The following TRERF1 variants were observed in gnomAD, a reference collection of about 807,000 sequenced individuals.
TRERF1 encodes the protein transcriptional-regulating factor 1.
A neutral mutation model predicts 122.9 loss-of-function variants in TRERF1; 27 were observed. The ratio of observed to expected loss-of-function variants is 0.22; its 90% CI spans 0.16 to 0.30. The LOEUF is 0.30. Ranked by LOEUF, TRERF1 falls within the 10% of genes least tolerant of loss-of-function variation. TRERF1 has a pLI of 1.00. For missense variants in TRERF1, 1,248 were observed against 1,560.3 expected, an observed-to-expected ratio of 0.80 and a Z score of 3.37; for synonymous variants, 636 against 641.7, an observed-to-expected ratio of 0.99 and a Z score of 0.13.
chr6:42,386,549 C>A (rs1404166327), intron 2 of TRERF1, among the ~76,000 whole-genome samples: 2 of 152,166 alleles, frequency 1.3e-5, no homozygotes, highest in Admixed American at 6.5e-5. Flanking sequence ...CAAATTGTAG[C>A]ACTTGGCATG....
At chr6:42,352,454 A>T (rs996190244) in intron 3 of TRERF1, among the ~76,000 whole-genome samples, 9 of 152,284 alleles carry the variant, frequency 5.9e-5, no homozygotes, top group Admixed American at 3.3e-4. Flanking sequence ...GACCACAAAC[A>T]TATCTTATTT....
intron 3 of TRERF1, among the ~76,000 whole-genome samples, chr6:42,347,563 A>C (rs1167429970): frequency 6.6e-6 from 1 of 152,222 alleles, no homozygotes; most frequent in East Asian, 1.9e-4. Flanking sequence ...AAAACCATGT[A>C]TAAATGCTGG....
chr6:42,358,783 CT>C (rs397886998), intron 3 of TRERF1, among the ~76,000 whole-genome samples: 11,122 of 125,064 alleles, frequency 0.089, 700 homozygotes, highest in African/African-American at 0.21. Context: ...TGACCTAAAG[CT>C]TTTTTTTTTT....
chr6:42,268,157 G>A lies in TRERF1; in HGVS notation c.1434C>T (p.Pro478=). The A allele has an allele frequency of 2.1e-6, 3 of 1,448,996 alleles. No homozygotes were observed. Among genetic ancestry groups the A allele is most frequent in the Non-Finnish European group, 2.7e-6 (3 of 1,099,258 alleles). The allele number at this position is 1,448,996 out of a possible 1,614,324, so 89.8% of individuals were successfully genotyped here. A position where few individuals can be genotyped will look rare whatever the true frequency, so the allele number is the denominator to read the frequency against. Residue 478 remains proline (P), a synonymous_variant, in exon 5 of 18, where the codon CCC becomes CCT. Coordinates refer to ENST00000372922, the Ensembl canonical transcript of TRERF1. This position sits in a 1 kb window ranked among gnomAD's most constrained non-coding sequence, Gnocchi z 4.4. Reference sequence around the variant, plus strand: ...GAAACTTCCAATGGGAGAATACCTGGGGCCACATGGCACTGGGAGACAGCT... The same window carrying A: ...GAAACTTCCAATGGGAGAATACCTGAGGCCACATGGCACTGGGAGACAGCT...
chr6:42,285,914 A>G (rs1314683422), intron 4 of TRERF1, among the ~76,000 whole-genome samples: 2 of 151,208 alleles, frequency 1.3e-5, no homozygotes, highest in Non-Finnish European at 3.0e-5. Context: ...TACAGTAACC[A>G]AAACAGCATG....
chr6:42,383,878 T>C (rs758209388), intron 2 of TRERF1, among the ~76,000 whole-genome samples: 123 of 152,116 alleles, frequency 8.1e-4, no homozygotes, highest in Middle Eastern at 6.8e-3. Context: ...ACCATACTCA[T>C]AAAAGAAATA....
intron 15 of TRERF1, among the ~76,000 whole-genome samples, chr6:42,242,412 T>C (rs1773913732): frequency 6.6e-6 from 1 of 152,218 alleles, no homozygotes. Context: ...ATTTACATAA[T>C]TCATGAATTC....
At chr6:42,411,885 T>C (rs756940698) in intron 2 of TRERF1, among the ~76,000 whole-genome samples, 4 of 152,190 alleles carry the variant, frequency 2.6e-5, no homozygotes, top group African/African-American at 4.8e-5. Flanking sequence ...GGTTTTCTTA[T>C]CTGTAAATGA....
Position 42,393,916 on chromosome 6 carries a change from GAAAAA to G in TRERF1, c.-453-30842_-453-30838del, listed in dbSNP as rs61581284. On this transcript the variant is annotated intron_variant, in intron 2 of 17. Coordinates refer to ENST00000372922, the Ensembl canonical transcript of TRERF1. The surrounding 1 kb of genome is among the most constrained non-coding windows in gnomAD (Gnocchi z 4.1). ...CAAACTCTCCAATGTATATATGCAGGAAAAAAAAAAAAAAAAAGACTGGGATGTAA... is the reference window on the plus strand; with the variant it reads ...CAAACTCTCCAATGTATATATGCAGGAAAAAAAAAAAAGACTGGGATGTAA... Among the ~76,000 whole-genome samples, 1 of 119,010 alleles carries G rather than the reference GAAAAA, an allele frequency of 8.4e-6. No individual in the cohort carries two copies. The highest frequency in any genetic ancestry group is 1.8e-5 in the Non-Finnish European group (1 of 55,146). The allele number at this position is 119,010 out of a possible 152,430, so 78.1% of individuals were successfully genotyped here.
intron 3 of TRERF1, among the ~76,000 whole-genome samples, chr6:42,325,984 G>A (rs968853986): frequency 6.6e-6 from 1 of 152,120 alleles, no homozygotes; most frequent in African/African-American, 2.4e-5. Flanking sequence ...AGCTAAACAC[G>A]GGTACACATG....
intron 3 of TRERF1, among the ~76,000 whole-genome samples, chr6:42,321,882 G>C (rs906534293): frequency 1.3e-5 from 2 of 152,214 alleles, no homozygotes; most frequent in African/African-American, 4.8e-5. Flanking sequence ...TGTGCAACTT[G>C]TCATTTATGC....
intron 2 of TRERF1, among the ~76,000 whole-genome samples, chr6:42,369,549 G>A (rs970917394): frequency 2.6e-5 from 4 of 151,714 alleles, no homozygotes; most frequent in African/African-American, 7.3e-5. Flanking sequence ...CACCCAGTCC[G>A]GTTCTACACG....
At chr6:42,422,025 G>A (rs1440144345) in intron 2 of TRERF1, among the ~76,000 whole-genome samples, 2 of 151,620 alleles carry the variant, frequency 1.3e-5, no homozygotes, top group East Asian at 3.9e-4. Context: ...AAAAAAATTA[G>A]CCAGGCGTGG....
At chr6:42,310,791 C>G (rs1397099499) in intron 3 of TRERF1, among the ~76,000 whole-genome samples, 2 of 152,164 alleles carry the variant, frequency 1.3e-5, no homozygotes, top group Non-Finnish European at 2.9e-5. Flanking sequence ...CTCTGAGAAG[C>G]TACTCTCCAA....
chr6:42,259,311 C>G lies in TRERF1; in HGVS notation c.2269+28G>C, dbSNP rs375755101. The G allele has an allele frequency of 1.1e-5, 17 of 1,487,844 alleles. No homozygotes were observed. Among genetic ancestry groups the G allele is most frequent in the Non-Finnish European group, 1.5e-5 (17 of 1,128,072 alleles). 92.2% of individuals were successfully genotyped at this position (1,487,844 alleles called of 1,614,324 possible). A position where few individuals can be genotyped will look rare whatever the true frequency, so the allele number is the denominator to read the frequency against. On this transcript the variant is annotated intron_variant, in intron 9 of 17. Transcript: ENST00000372922. The surrounding 1 kb of genome is among the most constrained non-coding windows in gnomAD (Gnocchi z 4.9). ...CAGGACTTTACCCAGCACCCAGAGCCCAGGAGGACGCTAAAGGGGTGACTC... is the reference window on the plus strand; with the variant it reads ...CAGGACTTTACCCAGCACCCAGAGCGCAGGAGGACGCTAAAGGGGTGACTC...
At chr6:42,346,228 G>A (rs1040538909) in intron 3 of TRERF1, among the ~76,000 whole-genome samples, 12 of 152,246 alleles carry the variant, frequency 7.9e-5, no homozygotes, top group Admixed American at 5.2e-4. Context: ...CCTCAGGACT[G>A]TGGGCAGAGC....
intron 14 of TRERF1, among the ~76,000 whole-genome samples, chr6:42,246,115 A>AAAAAAT (rs1376432785): frequency 1.2e-4 from 19 of 152,334 alleles, no homozygotes; most frequent in African/African-American, 4.6e-4. Context: ...TGGAAAAAAT[A>AAAAAAT]AAAAATAAAA....
At chr6:42,271,540 T>C (rs1216151407) in intron 4 of TRERF1, among the ~76,000 whole-genome samples, 1 of 152,200 alleles carries the variant, frequency 6.6e-6, no homozygotes, top group Non-Finnish European at 1.5e-5. Flanking sequence ...CCTGGTCATA[T>C]ACATAAAGGT....
intron 3 of TRERF1, among the ~76,000 whole-genome samples, chr6:42,312,154 T>C (rs960436402): frequency 1.6e-4 from 24 of 152,250 alleles, no homozygotes; most frequent in African/African-American, 5.8e-4. Context: ...GAGTCAGGGA[T>C]GAGGGCAGAT....
Sources: allele counts gnomAD v4.1 joint callset (sites outside exome capture counted in the v4.1 genomes callset), GRCh38; gene constraint gnomAD v4.1.1; non-coding constraint Gnocchi (gnomAD v3.1); transcripts MANE v1.5; gene names NCBI Gene and HGNC (gene_info 2026-07-23, HGNC 2026-07-21).